Variants in WNT7B observed in about 807,000 individuals in gnomAD.
WNT7B encodes the protein protein Wnt-7b.
Under a neutral mutation model 38.2 loss-of-function variants are expected in WNT7B, and 19 were observed. That is an observed-to-expected ratio of 0.50 (90% CI 0.35 to 0.73). The LOEUF (loss-of-function observed/expected upper bound fraction) is 0.73, where lower values mean the gene tolerates loss of function less well. WNT7B is among the 30% of genes least tolerant of loss of function. The pLI is 0.01. For missense variants in WNT7B, 423 were observed against 507.9 expected (o/e 0.83, Z 1.61); for synonymous variants, 243 against 209.3 (o/e 1.16, Z -1.39).
intron 1 of WNT7B, among the ~76,000 whole-genome samples, chr22:45,971,233 G>A (rs536182796): frequency 2.8e-5 from 4 of 145,372 alleles, no homozygotes; most frequent in Middle Eastern, 3.5e-3. Flanking sequence ...TGGCCCGCGT[G>A]TAAAGGAGGG....
At chr22:45,972,116 G>A in intron 1 of WNT7B, 1 of 530,746 alleles carries the variant, frequency 1.9e-6, no homozygotes. Context: ...CCCGGGGGGA[G>A]CCCACCCGCC....
chr22:45,967,756 C>T (rs1351312369), intron 1 of WNT7B, among the ~76,000 whole-genome samples: 1 of 152,156 alleles, frequency 6.6e-6, no homozygotes, highest in Non-Finnish European at 1.5e-5. Flanking sequence ...CCATTGTCCA[C>T]TGTGTCCCCA....
intron 2 of WNT7B, among the ~76,000 whole-genome samples, chr22:45,932,683 C>T (rs772434696): frequency 1.2e-4 from 18 of 152,196 alleles, no homozygotes; most frequent in Non-Finnish European, 1.9e-4. Flanking sequence ...ATGTCCCCAG[C>T]GCCTGGTCCA....
intron 2 of WNT7B, among the ~76,000 whole-genome samples, chr22:45,944,420 C>T (rs1329753790): frequency 2.0e-5 from 3 of 152,224 alleles, no homozygotes; most frequent in African/African-American, 4.8e-5. Context: ...GGAGGGGCAG[C>T]CCCGGCCTCG....
intron 1 of WNT7B, among the ~76,000 whole-genome samples, chr22:45,968,507 T>C (rs1452302872): frequency 6.6e-6 from 1 of 152,182 alleles, no homozygotes; most frequent in Non-Finnish European, 1.5e-5. Flanking sequence ...TCTGAGTCAC[T>C]ATCATGCCCT....
At chr22:45,934,183 A>G (rs1931453034) in intron 2 of WNT7B, among the ~76,000 whole-genome samples, 1 of 152,236 alleles carries the variant, frequency 6.6e-6, no homozygotes, top group Non-Finnish European at 1.5e-5. Flanking sequence ...CCAGGGAATG[A>G]ATTCAAAGAC....
At chr22:45,973,786 G>A (rs748418429) in intron 1 of WNT7B, among the ~76,000 whole-genome samples, 1 of 152,190 alleles carries the variant, frequency 6.6e-6, no homozygotes, top group Non-Finnish European at 1.5e-5. Context: ...GCATTGTGAG[G>A]GCTGAGTTCT....
rs1471283068 is a variant in WNT7B, at chr22:45,975,513, T to A, written c.71+1171A>T. ...CCTGCCTCTGAAGCCACTGGCTTTG[T>A]CTCTGCAGGCCTTGGGCCTCAGTTT... is the stretch of plus-strand genomic sequence containing the variant. On this transcript the variant is annotated intron_variant, in intron 1 of 3. Coordinates refer to ENST00000339464, the MANE Select transcript of WNT7B (RefSeq NM_058238.3). This position sits in a 1 kb window ranked among gnomAD's most constrained non-coding sequence, Gnocchi z 6.6. The A allele has an allele frequency of 1.4e-6, 1 of 715,820 alleles. No homozygotes were observed. Among genetic ancestry groups the A allele is most frequent in the Non-Finnish European group, 2.6e-6 (1 of 384,166 alleles). The allele number at this position is 715,820 out of a possible 1,614,324, so 44.3% of individuals were successfully genotyped here.
intron 2 of WNT7B, among the ~76,000 whole-genome samples, chr22:45,949,565 G>A (rs1404386252): frequency 6.6e-6 from 1 of 152,212 alleles, no homozygotes; most frequent in Non-Finnish European, 1.5e-5. Context: ...CCTCTACACG[G>A]CTGCTAGGCA....
At chr22:45,959,430 C>T (rs1932145010) in intron 1 of WNT7B, among the ~76,000 whole-genome samples, 1 of 152,132 alleles carries the variant, frequency 6.6e-6, no homozygotes, top group Admixed American at 6.5e-5. Context: ...CACCCAAAGT[C>T]GCCCTCGAGA....
At chr22:45,929,858 TTCCATCCATCCA>T (rs917478764) in intron 3 of WNT7B, among the ~76,000 whole-genome samples, 1 of 105,228 alleles carries the variant, frequency 9.5e-6, no homozygotes, top group Non-Finnish European at 1.9e-5. Flanking sequence ...CCACTCATCC[TTCCATCCATCCA>T]TCCAACCATC....
chr22:45,947,796 G>C (rs568944981), intron 2 of WNT7B, among the ~76,000 whole-genome samples: 1 of 152,314 alleles, frequency 6.6e-6, no homozygotes, highest in South Asian at 2.1e-4. Context: ...CAAAATGTTT[G>C]CTTCTGAAAC....
chr22:45,924,559 G>T (rs1407229721), intron 3 of WNT7B, among the ~76,000 whole-genome samples: 1 of 152,274 alleles, frequency 6.6e-6, no homozygotes, highest in African/African-American at 2.4e-5. Context: ...AGACAAAGAG[G>T]ACAGCATTCC....
At chr22:45,926,075 G>C in intron 3 of WNT7B, 1 of 985,446 alleles carries the variant, frequency 1.0e-6, no homozygotes, top group Non-Finnish European at 1.2e-6. Flanking sequence ...GGCCAGGCCC[G>C]TGACCATCCG....
intron 2 of WNT7B, among the ~76,000 whole-genome samples, chr22:45,935,309 G>A (rs1445947771): frequency 2.6e-5 from 4 of 152,190 alleles, no homozygotes. Flanking sequence ...GCCTTGGCCT[G>A]GCCCCCAAGG....
chr22:45,931,489 T>G, intron 2 of WNT7B, 120 bp from the exon 3 acceptor site: 1 of 1,225,988 alleles, frequency 8.2e-7, no homozygotes, highest in South Asian at 1.6e-5. Flanking sequence ...CCTGGGCTCA[T>G]CGCTCGCCCC....
intron 2 of WNT7B, 127 bp from the exon 3 acceptor site, chr22:45,931,496 C>G (rs1450342086): frequency 8.5e-7 from 1 of 1,176,110 alleles, no homozygotes; most frequent in Non-Finnish European, 1.2e-6. Flanking sequence ...TCATCGCTCG[C>G]CCCCTCTGTG....
chr22:45,954,751 G>C, intron 1 of WNT7B: 1 of 985,434 alleles, frequency 1.0e-6, no homozygotes. Context: ...CCCTTACTAA[G>C]TGGGGGTGTT....
intron 1 of WNT7B, among the ~76,000 whole-genome samples, chr22:45,958,940 G>A (rs1402169132): frequency 1.3e-5 from 2 of 152,294 alleles, no homozygotes; most frequent in South Asian, 2.1e-4. Context: ...GCACCCAGCT[G>A]CAAGGAGTCT....
Sources: allele counts gnomAD v4.1 joint callset (sites outside exome capture counted in the v4.1 genomes callset), GRCh38; gene constraint gnomAD v4.1.1; non-coding constraint Gnocchi (gnomAD v3.1); transcripts MANE v1.5; gene names NCBI Gene and HGNC (gene_info 2026-07-23, HGNC 2026-07-21).